Variants in MYBPC1 observed in about 807,000 individuals in gnomAD.
MYBPC1 encodes the protein myosin-binding protein C, slow-type.
Under a neutral mutation model 147.1 loss-of-function variants are expected in MYBPC1, and 52 were observed. That is an observed-to-expected ratio of 0.35 (90% confidence interval 0.28 to 0.45). The LOEUF (loss-of-function observed/expected upper bound fraction) is 0.45. Ranked by LOEUF, MYBPC1 falls within the 20% of genes least tolerant of loss-of-function variation. The pLI is 1.00. For missense variants in MYBPC1, 1,228 were observed against 1,440.3 expected, an observed-to-expected ratio of 0.85 and a Z score of 2.39; for synonymous variants, 477 against 475.9, an observed-to-expected ratio of 1.00 and a Z score of -0.03.
intron 16 of MYBPC1, among the ~76,000 whole-genome samples, chr12:101,652,456 G>T (rs943557319): frequency 1.3e-5 from 2 of 152,086 alleles, no homozygotes; most frequent in Non-Finnish European, 2.9e-5. Context: ...TATTTGTGGA[G>T]ATAATTCCAT....
At chr12:101,641,318 T>C (rs1891991648) in intron 10 of MYBPC1, among the ~76,000 whole-genome samples, 1 of 152,142 alleles carries the variant, frequency 6.6e-6, no homozygotes, top group Non-Finnish European at 1.5e-5. Context: ...TAAATTAACC[T>C]GATAAAAATA....
In MYBPC1 at chr12:101,662,366, A is replaced by T; in HGVS notation, c.2041A>T (p.Ile681Phe). The change falls in exon 21 of 32, where the codon ATT (isoleucine) becomes TTT (phenylalanine). Residue 681 changes from isoleucine (I) to phenylalanine (F), a missense_variant. This residue lies in a region of MYBPC1 where 1,077 missense variants were observed against 1,314.2 expected (regional missense o/e 0.82). Transcript: ENST00000361466. ...ATTTTGCATACCTGCAGGATATTTT[A>T]TTGAGAGGAAGAAGAAACAAAGCTC... ...DGGSPILGYFIERKKKQSSRW... is the reference protein window; with the variant it reads ...DGGSPILGYFFERKKKQSSRW... 6.2e-7 allele frequency: 1 copy of T among 1,614,190 alleles called. No homozygotes were observed. The highest frequency in any genetic ancestry group is 8.5e-7 in the Non-Finnish European group (1 of 1,180,024).
chr12:101,644,459 G>A (rs575746809), intron 11 of MYBPC1, among the ~76,000 whole-genome samples: 1 of 152,238 alleles, frequency 6.6e-6, no homozygotes, highest in Admixed American at 6.5e-5. Context: ...GAAACATGTG[G>A]ATTCTCTTTT....
At chr12:101,641,115 G>GAAAAAAAAAAAAAAAAAAAAAAAAAAAA (rs34380289) in intron 10 of MYBPC1, among the ~76,000 whole-genome samples, 1 of 105,964 alleles carries the variant, frequency 9.4e-6, no homozygotes. Flanking sequence ...CTGTCTCAAA[G>GAAAAAAAAAAAAAAAAAAAAAAAAAAAA]AAAAAAAAAA....
In MYBPC1 at chr12:101,649,262, T is replaced by C; in HGVS notation, c.1199T>C (p.Phe400Ser). 1 of 1,613,028 alleles carries C rather than the reference T, an allele frequency of 6.2e-7. No individual in the cohort carries two copies. The highest frequency in any genetic ancestry group is 8.5e-7 in the Non-Finnish European group (1 of 1,179,076). Reference protein sequence around the residue: ...VSEDDANVKWFKNGEEIIPGP... With the variant: ...VSEDDANVKWSKNGEEIIPGP... The stretch of plus-strand genomic sequence containing the variant: ...TTTAATATTTTATCTTAATTCAGGT[T>C]TAAGAATGGTGAAGAGATTATCCCT... Residue 400 changes from phenylalanine to serine, a missense_variant and splice_region_variant, in exon 15 of 32, where the codon TTT becomes TCT. Phe to Ser is a radical substitution (Grantham distance 155). This residue lies in a region of MYBPC1 where 1,077 missense variants were observed against 1,314.2 expected (regional missense o/e 0.82). Coordinates refer to ENST00000361466, the MANE Select transcript of MYBPC1 (RefSeq NM_002465.4).
intron 22 of MYBPC1, 97 bp from the exon 23 acceptor site, chr12:101,667,635 A>G (rs1036278221): frequency 7.4e-7 from 1 of 1,358,054 alleles, no homozygotes; most frequent in Non-Finnish European, 1.0e-6. Flanking sequence ...TATTATTATG[A>G]GTAAAATACT....
rs181415717 is a variant in MYBPC1, at chr12:101,661,200, G to A, written c.1970G>A (p.Gly657Glu). Reference protein sequence around the residue: ...PPVAPTVTEVGDDWCIMNWEP... With the variant: ...PPVAPTVTEVEDDWCIMNWEP... ...GTGGCACCGACTGTGACAGAGGTGGGAGATGACTGGTGTATCATGAACTGG... is the reference window on the plus strand; with the variant it reads ...GTGGCACCGACTGTGACAGAGGTGGAAGATGACTGGTGTATCATGAACTGG... Residue 657 changes from glycine to glutamate, a missense_variant, in exon 20 of 32, where the codon GGA becomes GAA. By Grantham distance (98) the Gly-to-Glu change is moderately conservative. Coordinates refer to ENST00000361466, the MANE Select transcript of MYBPC1 (RefSeq NM_002465.4). 1.1e-5 allele frequency: 18 copies of A among 1,613,836 alleles called. No homozygotes were observed. In the East Asian group the frequency reaches 1.3e-4, roughly 12 times the overall value.
chr12:101,657,058 A>T (rs1006680192), intron 18 of MYBPC1, among the ~76,000 whole-genome samples: 2 of 152,196 alleles, frequency 1.3e-5, no homozygotes, highest in Non-Finnish European at 2.9e-5. Context: ...GAAACTAAAA[A>T]TCAATACATA....
Position 101,657,515 on chromosome 12 carries a change from C to G in MYBPC1, c.1768-2157C>G, listed in dbSNP as rs145699259. Among the ~76,000 whole-genome samples the G allele has an allele frequency of 4.9e-4, 75 of 152,258 alleles. 1 individual carries two copies. The highest frequency in any genetic ancestry group is 1.3e-4 in the Non-Finnish European group (9 of 68,008). On this transcript the variant is annotated intron_variant, in intron 18 of 31. Transcript: ENST00000361466. ...TAACAGAAATGAAAGAGGGACATTACTACAAATCCCATGGACATTAAAAGG... is the reference window on the plus strand; with the variant it reads ...TAACAGAAATGAAAGAGGGACATTAGTACAAATCCCATGGACATTAAAAGG...
intron 21 of MYBPC1, 70 bp downstream of exon 21, chr12:101,662,616 C>G: frequency 1.3e-6 from 2 of 1,543,760 alleles, no homozygotes; most frequent in Non-Finnish European, 1.8e-6. Flanking sequence ...TCTCTCTGAT[C>G]CCTAACTGGA....
chr12:101,595,573 A>G (rs74240184), intron 1 of MYBPC1, among the ~76,000 whole-genome samples: 1 of 152,030 alleles, frequency 6.6e-6, no homozygotes, highest in African/African-American at 2.4e-5. Flanking sequence ...TACTTTTTTT[A>G]ATGGAAACAT....
chr12:101,614,601 C>A, intron 2 of MYBPC1, 70 bp downstream of exon 2: 1 of 1,526,550 alleles, frequency 6.6e-7, no homozygotes, highest in South Asian at 1.2e-5. Flanking sequence ...CATGATTTGG[C>A]CTCCACGGGT....
chr12:101,638,398 T>C (rs1301337594), intron 10 of MYBPC1, among the ~76,000 whole-genome samples: 1 of 152,244 alleles, frequency 6.6e-6, no homozygotes, highest in African/African-American at 2.4e-5. Context: ...ACTAATTATG[T>C]GACTTTGGTC....
chr12:101,670,417 T>C lies in MYBPC1; in HGVS notation c.2613+8T>C. 6.2e-7 allele frequency: 1 copy of C among 1,608,666 alleles called. No homozygotes were observed. The highest frequency in any genetic ancestry group is 2.2e-5 in the East Asian group (1 of 44,846). On this transcript the variant is annotated splice_region_variant and intron_variant, in intron 24 of 31. Coordinates refer to ENST00000361466, the MANE Select transcript of MYBPC1 (RefSeq NM_002465.4). ...CTGGTTATACCTTTCCAGGTAAGAGTTCAAGGGTCGCTCTTTTTCTCTTTA... is the reference window on the plus strand; with the variant it reads ...CTGGTTATACCTTTCCAGGTAAGAGCTCAAGGGTCGCTCTTTTTCTCTTTA...
rs141191077 is a variant in MYBPC1 at position 101,627,605 on chromosome 12, C to T, written c.143-164C>T. Among the ~76,000 whole-genome samples the T allele has an allele frequency of 2.6e-3, 395 of 152,242 alleles. 1 individual carries two copies. Among genetic ancestry groups the T allele is most frequent in the African/African-American group, 9.2e-3 (384 of 41,526 alleles). On this transcript the variant is annotated intron_variant, in intron 4 of 31. Coordinates refer to ENST00000361466, the MANE Select transcript of MYBPC1 (RefSeq NM_002465.4). ...ACACACTTTTATAGATGCTTTCATA[C>T]TTGGAGCTCTACTGATTTTCCATCC...
intron 10 of MYBPC1, among the ~76,000 whole-genome samples, chr12:101,638,181 A>G (rs1891366124): frequency 6.6e-6 from 1 of 152,198 alleles, no homozygotes; most frequent in Non-Finnish European, 1.5e-5. Context: ...ACAAATTGAC[A>G]CTTTAGGAAG....
chr12:101,631,904 C>T (rs1455373559), intron 7 of MYBPC1, 117 bp from the exon 8 acceptor site: 2 of 1,276,832 alleles, frequency 1.6e-6, no homozygotes, highest in African/African-American at 2.9e-5. Flanking sequence ...ACACATTTGC[C>T]CTCCTATAGT....
At chr12:101,678,417 C>T (rs2278220) in intron 28 of MYBPC1, among the ~76,000 whole-genome samples, 179 bp downstream of exon 28, 4,344 of 152,318 alleles carry the variant, frequency 0.029, 312 homozygotes, top group East Asian at 0.28. Context: ...GTAAAAAATG[C>T]TTACATTTCT....
intron 18 of MYBPC1, 131 bp downstream of exon 18, chr12:101,653,379 G>GTAA: frequency 8.0e-7 from 1 of 1,245,634 alleles, no homozygotes; most frequent in Non-Finnish European, 1.1e-6. Context: ...CAGTAAAGAT[G>GTAA]TAATTCCTTT....
Sources: allele counts gnomAD v4.1 joint callset (sites outside exome capture counted in the v4.1 genomes callset), GRCh38; gene constraint gnomAD v4.1.1; regional missense constraint gnomAD v4.1.1; transcripts MANE v1.5; gene names NCBI Gene and HGNC (gene_info 2026-07-23, HGNC 2026-07-21).